The following GCSAML variants were observed in gnomAD, a reference collection of about 807,000 sequenced individuals.
GCSAML encodes germinal center-associated signaling and motility-like protein.
GCSAML carries 9 observed loss-of-function variants against 13.0 expected under a neutral mutation model. The ratio of observed to expected loss-of-function variants is 0.69; its 90% confidence interval spans 0.42 to 1.21. The LOEUF (loss-of-function observed/expected upper bound fraction) is 1.21, where lower values mean the gene tolerates loss of function less well. Ranked by LOEUF, GCSAML falls within the 50% of genes most tolerant of loss-of-function variation. The pLI is 0.00. For synonymous variants in GCSAML, 37 were observed against 52.9 expected (o/e 0.70, Z 1.31); for missense variants, 143 against 153.4 (o/e 0.93, Z 0.36).
chr1:247,574,530 C>T lies in GCSAML; in HGVS notation c.*148C>T. ...TATCTTATTATATATCCTTAGGCAA[C>T]TCTGATATGTGGCATCTCTGTGGCT... is the stretch of plus-strand genomic sequence containing the variant. On this transcript the variant is annotated 3_prime_UTR_variant, in exon 5 of 5. Transcript: ENST00000366488. 2.5e-6 allele frequency: 2 copies of T among 784,336 alleles called. No individual in the cohort carries two copies. Among genetic ancestry groups the T allele is most frequent in the South Asian group, 3.9e-5 (2 of 51,290 alleles). 48.6% of individuals were successfully genotyped at this position (784,336 alleles called of 1,614,324 possible). A position where few individuals can be genotyped will look rare whatever the true frequency, so the allele number is the denominator to read the frequency against.
At chr1:247,515,841 G>A (rs999974334) in intron 1 of GCSAML, among the ~76,000 whole-genome samples, 4 of 152,178 alleles carry the variant, frequency 2.6e-5, no homozygotes, top group African/African-American at 9.7e-5. Flanking sequence ...TTTGGGTGGG[G>A]ACACAAATCC....
intron 4 of GCSAML, among the ~76,000 whole-genome samples, chr1:247,570,560 G>C (rs1668565271): frequency 1.3e-5 from 2 of 152,174 alleles, no homozygotes; most frequent in African/African-American, 4.8e-5. Flanking sequence ...GATTTGCACT[G>C]TGGTCTGAGA....
At chr1:247,510,976 G>A (rs1666016833) in intron 1 of GCSAML, among the ~76,000 whole-genome samples, 1 of 152,222 alleles carries the variant, frequency 6.6e-6, no homozygotes, top group Non-Finnish European at 1.5e-5. Context: ...ATATTCTGTT[G>A]ATCTGGGGTG....
In GCSAML at chr1:247,527,511, A is replaced by AT. The variant is rs1666729511; in HGVS notation, c.-148+462dup. On this transcript the variant is annotated intron_variant, in intron 2 of 5. Coordinates refer to the GCSAML transcript ENST00000366489. This position sits in a 1 kb window ranked among gnomAD's most constrained non-coding sequence, Gnocchi z 4.6. The stretch of plus-strand genomic sequence containing the variant: ...ATTACAGTGCATCCAAACTCCAGAG[A>AT]TTTTTAATTAGTCTTTTCAAGAGGT... 6.6e-6 allele frequency: 1 copy of AT among 152,366 alleles called. No homozygotes were observed. The highest frequency in any genetic ancestry group is 1.5e-5 in the Non-Finnish European group (1 of 68,160). The allele number at this position is 152,366 out of a possible 1,614,324, so 9.4% of individuals were successfully genotyped here.
At chr1:247,531,600 G>A (rs759872490) in intron 2 of GCSAML, 6 of 1,614,122 alleles carry the variant, frequency 3.7e-6, no homozygotes, top group Non-Finnish European at 5.1e-6. Flanking sequence ...CTAATACCAT[G>A]TGCCGGAGGG....
chr1:247,523,575 G>A (rs1292173542), intron 1 of GCSAML, among the ~76,000 whole-genome samples: 1 of 152,068 alleles, frequency 6.6e-6, no homozygotes, highest in East Asian at 1.9e-4. Context: ...TGGAAGTCTT[G>A]GTCCTGCAAA....
At chr1:247,561,888 C>T (rs115333532) in intron 2 of GCSAML, among the ~76,000 whole-genome samples, 5,628 of 152,092 alleles carry the variant, frequency 0.037, 163 homozygotes, top group Non-Finnish European at 0.056. Flanking sequence ...CACCCGGCGC[C>T]GCAAAGCCAA....
intron 4 of GCSAML, among the ~76,000 whole-genome samples, chr1:247,568,661 CT>C (rs1398386871): frequency 1.3e-5 from 2 of 152,066 alleles, no homozygotes; most frequent in Non-Finnish European, 2.9e-5. Context: ...TATATGGGCA[CT>C]TTTTTGTTTC....
intron 1 of GCSAML, chr1:247,524,912 A>T (rs1666616641): frequency 6.6e-6 from 1 of 152,246 alleles, no homozygotes. Flanking sequence ...AAACACAAAT[A>T]GCCCCAAAAC....
At chr1:247,537,024 A>G (rs1195382585) in intron 2 of GCSAML, among the ~76,000 whole-genome samples, 1 of 152,154 alleles carries the variant, frequency 6.6e-6, no homozygotes, top group Non-Finnish European at 1.5e-5. Flanking sequence ...AAGTCAGTGG[A>G]ATTAAGTTCT....
chr1:247,574,128 C>T lies in GCSAML; in HGVS notation c.169-15C>T. On this transcript the variant is annotated splice_polypyrimidine_tract_variant and intron_variant, in intron 4 of 4. Coordinates refer to ENST00000366488, the MANE Select transcript of GCSAML (RefSeq NM_145278.5). Reference sequence around the variant, plus strand: ...ACCGTGGATCCTTGATTTCTTTTCTCTTTGTGCTTGGCAGGAAAACGAGAA... The same window carrying T: ...ACCGTGGATCCTTGATTTCTTTTCTTTTTGTGCTTGGCAGGAAAACGAGAA... 1 of 1,613,484 alleles carries T rather than the reference C, an allele frequency of 6.2e-7. No homozygotes were observed. The highest frequency in any genetic ancestry group is 8.5e-7 in the Non-Finnish European group (1 of 1,179,688).
At position 247,575,526 on chromosome 1, in the gene GCSAML, T is replaced by G. The variant is rs1333765921; in HGVS notation, c.*1144T>G. On this transcript the variant is annotated 3_prime_UTR_variant, in exon 5 of 5. Coordinates refer to ENST00000366488, the MANE Select transcript of GCSAML (RefSeq NM_145278.5). ...TTACTTCAATTTTTCTTTTTCTATG[T>G]ACTGGATATTTTTGCATATAAACTT... The G allele has an allele frequency of 1.3e-5, 2 of 152,208 alleles. No homozygotes were observed. The highest frequency in any genetic ancestry group is 2.9e-5 in the Non-Finnish European group (2 of 68,040). 9.4% of individuals were successfully genotyped at this position (152,208 alleles called of 1,614,324 possible).
chr1:247,561,886 G>C (rs975919387), intron 2 of GCSAML, among the ~76,000 whole-genome samples: 1 of 152,020 alleles, frequency 6.6e-6, no homozygotes, highest in African/African-American at 2.4e-5. Context: ...CTCACCCGGC[G>C]CCGCAAAGCC....
chr1:247,553,976 CTT>C (rs904560703), intron 1 of GCSAML, among the ~76,000 whole-genome samples: 13 of 152,204 alleles, frequency 8.5e-5, no homozygotes, highest in Admixed American at 3.3e-4. Flanking sequence ...ATTTAGTTAA[CTT>C]ATATTTTATT....
At chr1:247,550,498 G>A (rs1260537130) in intron 1 of GCSAML, among the ~76,000 whole-genome samples, 3 of 152,182 alleles carry the variant, frequency 2.0e-5, no homozygotes, top group East Asian at 1.9e-4. Flanking sequence ...TTAGCCGGGC[G>A]TGGTGGTGGG....
At chr1:247,543,438 AG>A (rs1667471968) in intron 2 of GCSAML, among the ~76,000 whole-genome samples, 1 of 152,196 alleles carries the variant, frequency 6.6e-6, no homozygotes, top group African/African-American at 2.4e-5. Flanking sequence ...CTTTATCATA[AG>A]TATGTATAGG....
In GCSAML at chr1:247,575,816, G is replaced by A. The variant is rs931324412; in HGVS notation, c.*1434G>A. 6 of 152,140 alleles carry A rather than the reference G, an allele frequency of 3.9e-5. No homozygotes were observed. Among genetic ancestry groups the A allele is most frequent in the Non-Finnish European group, 7.4e-5 (5 of 68,006 alleles). The allele number at this position is 152,140 out of a possible 1,614,324, so 9.4% of individuals were successfully genotyped here. On this transcript the variant is annotated 3_prime_UTR_variant, in exon 5 of 5. Coordinates refer to ENST00000366488, the MANE Select transcript of GCSAML (RefSeq NM_145278.5). ...ACCGAAGGTGGATGTGTAGTTTCTG[G>A]TTTTAAAATTCAAGCAAACTGGAAA...
rs112416180 is a variant in GCSAML at position 247,572,437 on chromosome 1, T to C, written c.169-1706T>C. 3.6e-3 allele frequency among the ~76,000 whole-genome samples: 553 copies of C among 152,324 alleles called. 7 individuals are homozygous for C. The highest frequency in any genetic ancestry group is 0.013 in the African/African-American group (523 of 41,576). ...GACGCTATTGCTTTCTGTTTGTTAG[T>C]TTTCCTTCTAACAACCAGGCCCGTA... is the stretch of plus-strand genomic sequence containing the variant. On this transcript the variant is annotated intron_variant, in intron 4 of 4. Transcript: ENST00000366488.
rs1668718309 is a variant in GCSAML, at chr1:247,573,662, T to G, written c.169-481T>G. ...TTTGTTCTTTTTGCTTAGGATTGTC[T>G]TGGCTAAACAGGCTCTTTTTTGGTT... On this transcript the variant is annotated intron_variant, in intron 4 of 4. Coordinates refer to ENST00000366488, the MANE Select transcript of GCSAML (RefSeq NM_145278.5). 2.0e-5 allele frequency among the ~76,000 whole-genome samples: 3 copies of G among 152,206 alleles called. No homozygotes were observed. The South Asian group carries it at 6.2e-4, about 31-fold the overall frequency.
Sources: gnomAD v4.1 joint callset for allele counts (sites outside exome capture counted in the v4.1 genomes callset) on GRCh38, gnomAD v4.1.1 for gene constraint, Gnocchi (gnomAD v3.1) non-coding constraint, MANE v1.5 for transcripts, NCBI Gene and HGNC (gene_info 2026-07-23, HGNC 2026-07-21) for gene names.